Variants in TBX15 observed in about 807,000 individuals in gnomAD.
TBX15 encodes the protein T-box transcription factor 15.
Under a neutral mutation model 53.9 loss-of-function variants are expected in TBX15, and 18 were observed. The ratio of observed to expected loss-of-function variants is 0.33; its 90% CI spans 0.23 to 0.49. The LOEUF (loss-of-function observed/expected upper bound fraction) is 0.49. TBX15 is among the 20% of genes least tolerant of loss of function. TBX15 has a pLI of 0.98. For synonymous variants in TBX15, 295 were observed against 278.0 expected, an observed-to-expected ratio of 1.06 and a Z score of -0.61; for missense variants, 692 against 749.5, an observed-to-expected ratio of 0.92 and a Z score of 0.90.
chr1:118,956,368 G>C (rs1656690997), intron 1 of TBX15, among the ~76,000 whole-genome samples: 1 of 152,098 alleles, frequency 6.6e-6, no homozygotes, highest in South Asian at 2.1e-4. Flanking sequence ...TGCGTCTCCA[G>C]TTTACTAACA....
intron 1 of TBX15, among the ~76,000 whole-genome samples, chr1:118,933,501 A>C (rs1655871147): frequency 6.7e-6 from 1 of 148,950 alleles, no homozygotes; most frequent in Admixed American, 6.8e-5. Context: ...ACTAGGTTTT[A>C]CATGTCTAAG....
chr1:118,890,589 T>C (rs1221320577), intron 7 of TBX15, among the ~76,000 whole-genome samples: 1 of 152,220 alleles, frequency 6.6e-6, no homozygotes, highest in Non-Finnish European at 1.5e-5. Flanking sequence ...CCAAAAAGGA[T>C]ACGTTTAGCA....
At chr1:118,948,717 C>T (rs1656420815) in intron 1 of TBX15, among the ~76,000 whole-genome samples, 2 of 152,178 alleles carry the variant, frequency 1.3e-5, no homozygotes, top group Non-Finnish European at 1.5e-5. Flanking sequence ...TCTCATTTCT[C>T]AAAATGATCT....
At chr1:118,893,615 G>GAAAGAA (rs1460574760) in intron 7 of TBX15, among the ~76,000 whole-genome samples, 3 of 109,616 alleles carry the variant, frequency 2.7e-5, no homozygotes, top group African/African-American at 1.1e-4. Flanking sequence ...AAGAAAGAAA[G>GAAAGAA]AGAGAGAGAA....
At chr1:118,978,673 G>A (rs1174723723) in intron 1 of TBX15, among the ~76,000 whole-genome samples, 1 of 152,102 alleles carries the variant, frequency 6.6e-6, no homozygotes, top group East Asian at 1.9e-4. Flanking sequence ...GGTCTGTGTT[G>A]AAAGCTTTGC....
intron 6 of TBX15, among the ~76,000 whole-genome samples, chr1:118,909,197 C>A (rs1332413897): frequency 1.3e-5 from 2 of 152,214 alleles, no homozygotes; most frequent in Non-Finnish European, 1.5e-5. Context: ...TTCACCCAAG[C>A]TCAGAATCTA....
At chr1:118,975,009 A>C (rs1400542472) in intron 1 of TBX15, among the ~76,000 whole-genome samples, 1 of 152,246 alleles carries the variant, frequency 6.6e-6, no homozygotes, top group Non-Finnish European at 1.5e-5. Context: ...AAGCTGTTCC[A>C]TTTTGAATCA....
chr1:118,938,143 A>G (rs1175556982), intron 1 of TBX15, among the ~76,000 whole-genome samples: 1 of 152,186 alleles, frequency 6.6e-6, no homozygotes, highest in Non-Finnish European at 1.5e-5. Context: ...CCAGAGCTTC[A>G]AGGGAATGAA....
intron 7 of TBX15, among the ~76,000 whole-genome samples, chr1:118,894,441 G>A (rs1022949375): frequency 6.6e-6 from 1 of 152,164 alleles, no homozygotes; most frequent in African/African-American, 2.4e-5. Flanking sequence ...TGTGGCCATT[G>A]AGCAGCTTTA....
chr1:118,921,019 T>G (rs1032132174), intron 5 of TBX15, among the ~76,000 whole-genome samples: 1 of 150,788 alleles, frequency 6.6e-6, no homozygotes, highest in Non-Finnish European at 1.5e-5. Flanking sequence ...TAAAAAAAAA[T>G]CAAAACAATT....
chr1:118,890,386 T>C (rs1349591201), intron 7 of TBX15, among the ~76,000 whole-genome samples: 1 of 152,122 alleles, frequency 6.6e-6, no homozygotes, highest in African/African-American at 2.4e-5. Context: ...TGAGAAGTGA[T>C]TAAAATATAA....
chr1:118,930,419 T>A (rs1158874838), intron 2 of TBX15, among the ~76,000 whole-genome samples: 1 of 152,200 alleles, frequency 6.6e-6, no homozygotes, highest in East Asian at 1.9e-4. Context: ...TTTGTTTGTT[T>A]ATTTATTTAT....
intron 1 of TBX15, 115 bp downstream of exon 1, chr1:118,987,476 G>A: frequency 4.7e-6 from 6 of 1,279,858 alleles, no homozygotes; most frequent in Non-Finnish European, 6.3e-6. Context: ...AGAAACCTAT[G>A]TTGGGGCAAG....
At chr1:118,902,786 TG>T (rs1469964524) in intron 6 of TBX15, among the ~76,000 whole-genome samples, 1 of 152,162 alleles carries the variant, frequency 6.6e-6, no homozygotes, top group Non-Finnish European at 1.5e-5. Flanking sequence ...TGAGAGTTCT[TG>T]CCAACCACCT....
chr1:118,984,419 G>A (rs1657750506), intron 1 of TBX15, among the ~76,000 whole-genome samples: 1 of 152,264 alleles, frequency 6.6e-6, no homozygotes, highest in Non-Finnish European at 1.5e-5. Context: ...GGCGGGAAAG[G>A]CCCAAGCCCT....
intron 1 of TBX15, among the ~76,000 whole-genome samples, chr1:118,983,407 C>T (rs1657709904): frequency 6.6e-6 from 1 of 152,188 alleles, no homozygotes; most frequent in Non-Finnish European, 1.5e-5. Context: ...GTCTTCATAA[C>T]CATCCCCGCT....
intron 6 of TBX15, among the ~76,000 whole-genome samples, chr1:118,901,151 T>C (rs907246903): frequency 9.2e-5 from 14 of 152,156 alleles, no homozygotes; most frequent in Non-Finnish European, 2.9e-5. Flanking sequence ...TAACCTACCA[T>C]ATGCTAGGTA....
intron 6 of TBX15, among the ~76,000 whole-genome samples, chr1:118,900,185 G>T (rs887854889): frequency 1.3e-5 from 2 of 152,102 alleles, no homozygotes; most frequent in African/African-American, 4.8e-5. Context: ...AAGGTGGGAG[G>T]AGAATAGGAA....
intron 1 of TBX15, among the ~76,000 whole-genome samples, chr1:118,959,669 C>A (rs1418530411): frequency 1.3e-5 from 2 of 152,174 alleles, no homozygotes; most frequent in East Asian, 3.8e-4. Flanking sequence ...ACTCCAGCCC[C>A]CTAATTCATC....
Sources: gnomAD v4.1 joint callset for allele counts (sites outside exome capture counted in the v4.1 genomes callset) on GRCh38, gnomAD v4.1.1 for gene constraint, MANE v1.5 for transcripts, NCBI Gene and HGNC (gene_info 2026-07-23, HGNC 2026-07-21) for gene names.